The following PDZD2 variants were observed in gnomAD, a reference collection of about 807,000 sequenced individuals.
PDZD2 encodes the protein PDZ domain-containing protein 2.
A neutral mutation model predicts 220.7 loss-of-function variants in PDZD2; 90 were observed. The observed-to-expected ratio is 0.41, with a 90% CI of 0.34 to 0.49. The LOEUF is 0.49. Among genes scored for constraint, PDZD2 ranks in the 20% least tolerant of loss-of-function variants. PDZD2 has a pLI of 0.28. For missense variants in PDZD2, 3,174 were observed against 3,608.5 expected (o/e 0.88, Z 3.08); for synonymous variants, 1,375 against 1,450.5 (o/e 0.95, Z 1.18).
chr5:32,011,825 G>C (rs937943625), intron 6 of PDZD2, among the ~76,000 whole-genome samples: 14 of 152,152 alleles, frequency 9.2e-5, no homozygotes, highest in Admixed American at 9.2e-4. Context: ...GAAACCTAGG[G>C]CTACCAAGCA....
At chr5:31,660,506 G>T (rs1362552459) in intron 1 of PDZD2, among the ~76,000 whole-genome samples, 1 of 152,078 alleles carries the variant, frequency 6.6e-6, no homozygotes, top group East Asian at 1.9e-4. Flanking sequence ...AAGGCAGAAG[G>T]GGAAGCAAAC....
chr5:31,727,769 G>A (rs375432711), intron 1 of PDZD2, among the ~76,000 whole-genome samples: 5 of 151,266 alleles, frequency 3.3e-5, no homozygotes, highest in East Asian at 1.9e-4. Flanking sequence ...TCCGGAGGCC[G>A]AGGCGGGCGG....
At chr5:31,869,263 A>T (rs1738520479) in intron 2 of PDZD2, among the ~76,000 whole-genome samples, 1 of 152,112 alleles carries the variant, frequency 6.6e-6, no homozygotes, top group Non-Finnish European at 1.5e-5. Flanking sequence ...CTGTAGGTAA[A>T]TTCCAGCCAC....
At chr5:31,826,280 G>C (rs892795871) in intron 2 of PDZD2, among the ~76,000 whole-genome samples, 2 of 152,090 alleles carry the variant, frequency 1.3e-5, no homozygotes, top group Non-Finnish European at 2.9e-5. Context: ...CAATGCCACC[G>C]TGGTGGGGAG....
chr5:31,886,833 C>G (rs189222243), intron 2 of PDZD2, among the ~76,000 whole-genome samples: 72 of 152,152 alleles, frequency 4.7e-4, no homozygotes, highest in Admixed American at 1.2e-3. Flanking sequence ...GAGTAGCTGG[C>G]ACTACAGGCG....
intron 2 of PDZD2, among the ~76,000 whole-genome samples, chr5:31,968,001 A>G (rs1048840614): frequency 2.0e-5 from 3 of 152,220 alleles, no homozygotes; most frequent in Non-Finnish European, 2.9e-5. Context: ...CACAACTGCT[A>G]TAGACTGAAT....
intron 7 of PDZD2, among the ~76,000 whole-genome samples, chr5:32,043,721 A>G (rs111803049): frequency 0.021 from 3,136 of 152,220 alleles, 112 homozygotes; most frequent in African/African-American, 0.07. Context: ...TCCGCCTCCC[A>G]GGTACAAGTG....
chr5:32,045,417 ATCTT>A (rs1737829128), intron 7 of PDZD2, among the ~76,000 whole-genome samples: 2 of 147,482 alleles, frequency 1.4e-5, no homozygotes, highest in African/African-American at 5.0e-5. Flanking sequence ...TAGATTTGTG[ATCTT>A]TCTTTTTTTT....
intron 15 of PDZD2, 103 bp downstream of exon 15, chr5:32,069,753 C>A: frequency 1.5e-6 from 1 of 671,394 alleles, no homozygotes; most frequent in Non-Finnish European, 2.7e-6. Flanking sequence ...TGGTAATTAT[C>A]AGGTTTGGCA....
intron 2 of PDZD2, among the ~76,000 whole-genome samples, chr5:31,924,926 G>A (rs190780004): frequency 7.2e-5 from 11 of 152,314 alleles, no homozygotes; most frequent in African/African-American, 1.9e-4. Context: ...CATGTTTGTG[G>A]CAGGATTCCT....
Position 32,000,281 on chromosome 5 carries a change from G to A in PDZD2, c.1254+10G>A, listed in dbSNP as rs375635702. The A allele has an allele frequency of 6.2e-7, 1 of 1,613,990 alleles. No individual in the cohort carries two copies. Among genetic ancestry groups the A allele is most frequent in the Non-Finnish European group, 8.5e-7 (1 of 1,179,998 alleles). ...TGTGGTGGCCAGCAAGGTAGGTCGT[G>A]TTTGTTTTTTGGTACTCGTAATGGT... On this transcript the variant is annotated intron_variant, in intron 5 of 24. Coordinates refer to ENST00000438447, the MANE Select transcript of PDZD2 (RefSeq NM_178140.4). The surrounding 1 kb of genome is among the most constrained non-coding windows in gnomAD (Gnocchi z 4.5).
At chr5:32,041,634 T>G (rs1429845834) in intron 7 of PDZD2, among the ~76,000 whole-genome samples, 1 of 152,070 alleles carries the variant, frequency 6.6e-6, no homozygotes, top group Admixed American at 6.5e-5. Flanking sequence ...AAACAAATGC[T>G]TGAAGGCAGC....
chr5:32,016,970 G>A (rs112441674), intron 6 of PDZD2, among the ~76,000 whole-genome samples: 32 of 152,308 alleles, frequency 2.1e-4, no homozygotes, highest in African/African-American at 7.5e-4. Context: ...GCTCACTTGC[G>A]TCTCCCAGGT....
chr5:32,065,841 A>G (rs1740162405), intron 14 of PDZD2, among the ~76,000 whole-genome samples: 1 of 152,080 alleles, frequency 6.6e-6, no homozygotes, highest in African/African-American at 2.4e-5. Flanking sequence ...TCTGGCCAAC[A>G]TGGGTAAAAC....
chr5:31,798,189 G>A (rs1469957718), intron 1 of PDZD2, among the ~76,000 whole-genome samples: 8 of 152,178 alleles, frequency 5.3e-5, no homozygotes, highest in South Asian at 2.1e-4. Flanking sequence ...CTGTCTTCTC[G>A]CCCAGGCATT....
chr5:31,881,486 T>G (rs1428912528), intron 2 of PDZD2, among the ~76,000 whole-genome samples: 1 of 151,600 alleles, frequency 6.6e-6, no homozygotes, highest in East Asian at 1.9e-4. Context: ...TAAGCCATTC[T>G]CCTGCCTCAG....
chr5:31,910,704 A>AT (rs1743117519), intron 2 of PDZD2, among the ~76,000 whole-genome samples: 1 of 143,058 alleles, frequency 7.0e-6, no homozygotes, highest in Non-Finnish European at 1.5e-5. Flanking sequence ...TTTTTTTTGT[A>AT]TTTTTAGTAG....
intron 2 of PDZD2, among the ~76,000 whole-genome samples, chr5:31,904,511 A>C (rs1013014300): frequency 2.6e-5 from 4 of 152,116 alleles, no homozygotes; most frequent in African/African-American, 9.7e-5. Flanking sequence ...GGAAATCAAT[A>C]CTTGTTAATA....
At chr5:32,079,103 T>C (rs1741647146) in intron 19 of PDZD2, among the ~76,000 whole-genome samples, 1 of 150,702 alleles carries the variant, frequency 6.6e-6, no homozygotes, top group Non-Finnish European at 1.5e-5. Flanking sequence ...CTACTAAACA[T>C]AAAAAAATTA....
Sources: allele counts gnomAD v4.1 joint callset (sites outside exome capture counted in the v4.1 genomes callset), GRCh38; gene constraint gnomAD v4.1.1; non-coding constraint Gnocchi (gnomAD v3.1); transcripts MANE v1.5; gene names NCBI Gene and HGNC (gene_info 2026-07-23, HGNC 2026-07-21).